Variants in CPQ observed in about 807,000 individuals in gnomAD.
CPQ encodes the protein Ser-Met dipeptidase.
CPQ carries 37 observed loss-of-function variants against 45.7 expected under a neutral mutation model. That is an observed-to-expected ratio of 0.81 (90% confidence interval 0.62 to 1.07). CPQ has a LOEUF of 1.07. Among genes scored for constraint, CPQ ranks in the 50% least tolerant of loss-of-function variants. CPQ has a pLI of 0.00. For missense variants in CPQ, 537 were observed against 572.9 expected (o/e 0.94, Z 0.64); for synonymous variants, 186 against 205.8 (o/e 0.90, Z 0.82).
chr8:96,957,388 T>C (rs1215395598), intron 4 of CPQ, among the ~76,000 whole-genome samples: 4 of 152,184 alleles, frequency 2.6e-5, no homozygotes, highest in Non-Finnish European at 5.9e-5. Flanking sequence ...AGCTTATAGA[T>C]CTAAATGTTC....
At chr8:96,995,443 T>C (rs1392710576) in intron 5 of CPQ, among the ~76,000 whole-genome samples, 1 of 151,882 alleles carries the variant, frequency 6.6e-6, no homozygotes, top group African/African-American at 2.4e-5. Context: ...CTGATTTATG[T>C]GGGGGAAAAT....
chr8:96,830,721 GA>G (rs1462712991), intron 2 of CPQ, among the ~76,000 whole-genome samples: 1 of 152,072 alleles, frequency 6.6e-6, no homozygotes, highest in Non-Finnish European at 1.5e-5. Flanking sequence ...CTTATTAAGA[GA>G]TTGGGACCTA....
At chr8:96,885,289 TA>T (rs1362646906) in intron 4 of CPQ, among the ~76,000 whole-genome samples, 5 of 152,194 alleles carry the variant, frequency 3.3e-5, no homozygotes, top group Admixed American at 1.3e-4. Flanking sequence ...ATTCCTTTGA[TA>T]ATCATATTAA....
At chr8:96,661,830 TAA>T (rs1815705164) in intron 1 of CPQ, among the ~76,000 whole-genome samples, 1 of 152,256 alleles carries the variant, frequency 6.6e-6, no homozygotes, top group Non-Finnish European at 1.5e-5. Context: ...GATTGTATGT[TAA>T]GAGTATGTTT....
At chr8:96,994,435 A>T (rs1371782506) in intron 5 of CPQ, among the ~76,000 whole-genome samples, 3 of 152,180 alleles carry the variant, frequency 2.0e-5, no homozygotes, top group Non-Finnish European at 4.4e-5. Context: ...AAAAGCTCAC[A>T]TCTGGGGTCT....
chr8:96,665,859 C>T (rs1265361012), intron 1 of CPQ, among the ~76,000 whole-genome samples: 1 of 152,154 alleles, frequency 6.6e-6, no homozygotes, highest in South Asian at 2.1e-4. Context: ...TTATTTGCAA[C>T]ATCCATATAT....
intron 4 of CPQ, among the ~76,000 whole-genome samples, chr8:96,930,508 T>C (rs1343627324): frequency 6.6e-6 from 1 of 152,196 alleles, no homozygotes; most frequent in Non-Finnish European, 1.5e-5. Flanking sequence ...AATAAATAAA[T>C]ACATATCTGG....
At chr8:97,070,535 C>A (rs1305877637) in intron 7 of CPQ, among the ~76,000 whole-genome samples, 1 of 151,962 alleles carries the variant, frequency 6.6e-6, no homozygotes, top group African/African-American at 2.4e-5. Context: ...CTTTTAGATA[C>A]TTCAGTTTAA....
chr8:96,866,709 T>C (rs1812001222), intron 3 of CPQ, among the ~76,000 whole-genome samples: 1 of 152,078 alleles, frequency 6.6e-6, no homozygotes, highest in Non-Finnish European at 1.5e-5. Flanking sequence ...TTTAAGGCTA[T>C]ACATCACCAT....
At chr8:96,714,635 G>A (rs1177147750) in intron 1 of CPQ, among the ~76,000 whole-genome samples, 1 of 151,630 alleles carries the variant, frequency 6.6e-6, no homozygotes, top group Non-Finnish European at 1.5e-5. Flanking sequence ...TTTTTTATCT[G>A]GTATTTCAAA....
intron 1 of CPQ, among the ~76,000 whole-genome samples, chr8:96,653,515 A>G (rs757423805): frequency 6.6e-6 from 1 of 152,178 alleles, no homozygotes; most frequent in Non-Finnish European, 1.5e-5. Flanking sequence ...TGAAAATTCT[A>G]GTATAACTTT....
At chr8:97,038,610 T>C (rs1307982732) in intron 6 of CPQ, among the ~76,000 whole-genome samples, 1 of 152,150 alleles carries the variant, frequency 6.6e-6, no homozygotes, top group Admixed American at 6.5e-5. Context: ...CAAACCACTT[T>C]TCAATCACCA....
At chr8:97,098,531 A>G (rs924302890) in intron 7 of CPQ, among the ~76,000 whole-genome samples, 2 of 152,146 alleles carry the variant, frequency 1.3e-5, no homozygotes, top group African/African-American at 4.8e-5. Context: ...ACACCCTAGA[A>G]TTAATTTTGA....
intron 3 of CPQ, among the ~76,000 whole-genome samples, chr8:96,839,924 C>G (rs1457701601): frequency 4.6e-5 from 7 of 152,110 alleles, no homozygotes; most frequent in Non-Finnish European, 7.3e-5. Flanking sequence ...ATCTCTTTTA[C>G]TGAAGGAGAG....
In CPQ at chr8:97,062,421, G is replaced by T. The variant is rs118151491; in HGVS notation, c.1054-3588G>T. On this transcript the variant is annotated intron_variant, in intron 6 of 7. Coordinates refer to ENST00000220763, the MANE Select transcript of CPQ (RefSeq NM_016134.4). ...CCCAGGGCAGTGTCCAACTCATCAGGCTGCTCATTAATGTTGGGTCTAACA... is the reference window on the plus strand; with the variant it reads ...CCCAGGGCAGTGTCCAACTCATCAGTCTGCTCATTAATGTTGGGTCTAACA... Among the ~76,000 whole-genome samples the T allele has an allele frequency of 9.5e-3, 1,440 of 152,224 alleles. 7 individuals are homozygous for T. Among genetic ancestry groups the T allele is most frequent in the Non-Finnish European group, 0.015 (989 of 67,982 alleles).
chr8:96,862,325 GGA>G (rs1811937094), intron 3 of CPQ, among the ~76,000 whole-genome samples: 3 of 144,546 alleles, frequency 2.1e-5, no homozygotes, highest in African/African-American at 5.4e-5. Context: ...TGTGTGTCTG[GGA>G]GAGAGAGAAA....
At chr8:96,723,538 G>A (rs1395115177) in intron 1 of CPQ, among the ~76,000 whole-genome samples, 2 of 152,108 alleles carry the variant, frequency 1.3e-5, no homozygotes, top group South Asian at 2.1e-4. Flanking sequence ...GAAGGCTTGC[G>A]TTGGATTCTG....
chr8:96,711,282 G>T (rs1462941748), intron 1 of CPQ, among the ~76,000 whole-genome samples: 1 of 152,028 alleles, frequency 6.6e-6, no homozygotes, highest in Non-Finnish European at 1.5e-5. Context: ...AATCCATTCT[G>T]CCAATCTGTA....
At chr8:96,698,611 A>ATAG in intron 1 of CPQ, among the ~76,000 whole-genome samples, 1 of 152,200 alleles carries the variant, frequency 6.6e-6, no homozygotes, top group Non-Finnish European at 1.5e-5. Flanking sequence ...CAAGGGATTA[A>ATAG]TAGCCATAAT....
Sources: gnomAD v4.1 joint callset for allele counts (sites outside exome capture counted in the v4.1 genomes callset) on GRCh38, gnomAD v4.1.1 for gene constraint, MANE v1.5 for transcripts, NCBI Gene and HGNC (gene_info 2026-07-23, HGNC 2026-07-21) for gene names.